SYNE2: variants seen among roughly 807,000 people sequenced by gnomAD.
SYNE2 encodes nesprin-2.
In SYNE2, 431 loss-of-function variants were observed where a neutral mutation model predicts 856.3. The observed-to-expected ratio is 0.50, with a 90% CI of 0.47 to 0.55. SYNE2 has a LOEUF of 0.55. SYNE2 is among the 20% of genes least tolerant of loss of function. The probability of loss-of-function intolerance (pLI) is 0.00; values close to 1 mark genes in which losing one functional copy is unlikely to be tolerated. For synonymous variants in SYNE2, 2,923 were observed against 2,872.3 expected (o/e 1.02, Z -0.56); for missense variants, 8,129 against 8,023.2 (o/e 1.01, Z -0.50).
chr14:64,199,901 T>G (rs1487254738), intron 99 of SYNE2, among the ~76,000 whole-genome samples: 2 of 152,174 alleles, frequency 1.3e-5, no homozygotes, highest in Non-Finnish European at 2.9e-5. Context: ...ATTTTATTCC[T>G]ACACCCCATT....
chr14:64,207,652 G>C (rs542854757), intron 100 of SYNE2, among the ~76,000 whole-genome samples: 219 of 151,880 alleles, frequency 1.4e-3, no homozygotes, highest in African/African-American at 5.1e-3. Flanking sequence ...AGCTTATATT[G>C]CCTTTCTGTA....
intron 64 of SYNE2, among the ~76,000 whole-genome samples, chr14:64,102,619 C>T (rs181005182): frequency 2.0e-5 from 3 of 149,930 alleles, no homozygotes; most frequent in African/African-American, 7.4e-5. Context: ...TTAACATATG[C>T]ATTACCTCAC....
chr14:64,104,079 C>T (rs1020821365), intron 64 of SYNE2, among the ~76,000 whole-genome samples: 2 of 152,180 alleles, frequency 1.3e-5, no homozygotes, highest in African/African-American at 4.8e-5. Context: ...ATTTCTGGAT[C>T]CTGCTTCCCA....
At chr14:64,205,586 G>T (rs1286757435) in intron 100 of SYNE2, among the ~76,000 whole-genome samples, 1 of 152,166 alleles carries the variant, frequency 6.6e-6, no homozygotes, top group Admixed American at 6.5e-5. Flanking sequence ...GAGCCATGAT[G>T]TCCCCGGATC....
chr14:63,767,492 AT>A (rs1159561419), intron 1 of SYNE2, among the ~76,000 whole-genome samples: 1 of 152,128 alleles, frequency 6.6e-6, no homozygotes, highest in Non-Finnish European at 1.5e-5. Context: ...AAATTAAGTT[AT>A]TTGACATTAA....
chr14:64,218,050 C>T (rs1481707313), intron 108 of SYNE2, among the ~76,000 whole-genome samples: 2 of 152,180 alleles, frequency 1.3e-5, no homozygotes, highest in South Asian at 4.1e-4. Context: ...AAAGTGCTAA[C>T]GCAGTAACCG....
At chr14:63,957,697 ATC>A (rs1029398419) in intron 8 of SYNE2, among the ~76,000 whole-genome samples, 3 of 152,004 alleles carry the variant, frequency 2.0e-5, no homozygotes, top group African/African-American at 7.2e-5. Flanking sequence ...GTGAAACCCT[ATC>A]TCTACTAAAA....
At chr14:63,798,735 C>A (rs1432987809) in intron 1 of SYNE2, among the ~76,000 whole-genome samples, 1 of 152,078 alleles carries the variant, frequency 6.6e-6, no homozygotes, top group Non-Finnish European at 1.5e-5. Context: ...TTTCTGGACT[C>A]TACCCTGGGG....
Position 64,137,927 on chromosome 14 carries a change from C to A in SYNE2, c.14787C>A (p.Asn4929Lys). 2 of 1,614,152 alleles carry A rather than the reference C, an allele frequency of 1.2e-6. No individual in the cohort carries two copies. The highest frequency in any genetic ancestry group is 1.7e-6 in the Non-Finnish European group (2 of 1,180,022). Residue 4929 changes from asparagine (N) to lysine (K), a missense_variant, in exon 79 of 116, where the codon AAC becomes AAA. Coordinates refer to ENST00000555002, the MANE Select transcript of SYNE2 (RefSeq NM_182914.3). ...AKLEEQWLSLNKKIDHELHRL... is the reference protein window; with the variant it reads ...AKLEEQWLSLKKKIDHELHRL... ...TGGAAGAGCAGTGGTTGTCCCTGAA[C>A]AAGAAAATTGACCATGAGCTCCACA...
At chr14:64,203,458 TTTG>T (rs969495694) in intron 100 of SYNE2, among the ~76,000 whole-genome samples, 1 of 152,200 alleles carries the variant, frequency 6.6e-6, no homozygotes, top group Non-Finnish European at 1.5e-5. Context: ...TCTGTGCATT[TTTG>T]TTATCAGATA....
intron 2 of SYNE2, among the ~76,000 whole-genome samples, chr14:63,930,101 A>T (rs181726593): frequency 6.6e-6 from 1 of 152,200 alleles, no homozygotes; most frequent in South Asian, 2.1e-4. Flanking sequence ...CCTGGATGAC[A>T]TAGGTAGAAC....
chr14:64,045,348 C>T (rs2097178218), intron 45 of SYNE2, among the ~76,000 whole-genome samples: 1 of 150,000 alleles, frequency 6.7e-6, no homozygotes, highest in Admixed American at 6.8e-5. Context: ...ACTAAGGGTT[C>T]TGCAATCTTA....
At chr14:64,150,321 A>AGG (rs1555512154) in intron 84 of SYNE2, among the ~76,000 whole-genome samples, 4 of 119,418 alleles carry the variant, frequency 3.3e-5, no homozygotes, top group African/African-American at 1.3e-4. Flanking sequence ...AAAAAAAAAA[A>AGG]GGATCCTCCC....
At chr14:63,970,808 A>G (rs1482384623) in intron 11 of SYNE2, among the ~76,000 whole-genome samples, 1 of 151,110 alleles carries the variant, frequency 6.6e-6, no homozygotes, top group Non-Finnish European at 1.5e-5. Flanking sequence ...ATCCGCCACC[A>G]TGCCTGGCTA....
intron 42 of SYNE2, among the ~76,000 whole-genome samples, chr14:64,027,006 T>C (rs1404494385): frequency 6.6e-6 from 1 of 152,218 alleles, no homozygotes; most frequent in Non-Finnish European, 1.5e-5. Context: ...ATCCAATGGA[T>C]GTAATTCTAG....
At chr14:64,117,806 C>T (rs2097863181) in intron 66 of SYNE2, among the ~76,000 whole-genome samples, 1 of 152,098 alleles carries the variant, frequency 6.6e-6, no homozygotes, top group Non-Finnish European at 1.5e-5. Context: ...TATACTCAAC[C>T]TCTACTAAGT....
rs2096767067 is a variant in SYNE2, at chr14:64,002,960, A to G, written c.4027A>G (p.Thr1343Ala). 2.5e-6 allele frequency: 4 copies of G among 1,614,240 alleles called. No homozygotes were observed. Among genetic ancestry groups the G allele is most frequent in the Non-Finnish European group, 3.4e-6 (4 of 1,180,044 alleles). ...RTAKLSAEPV[T>A]DLSASDTQVA... Reference sequence around the variant, plus strand: ...AGCTAAACTCTCTGCTGAGCCCGTTACAGACCTTTCAGCCTCAGATACACA... The same window carrying G: ...AGCTAAACTCTCTGCTGAGCCCGTTGCAGACCTTTCAGCCTCAGATACACA... The change falls in exon 30 of 116, where the codon ACA becomes GCA. Residue 1343 changes from threonine (T) to alanine (A), a missense_variant. By Grantham distance (58) the Thr-to-Ala change is moderately conservative. Transcript: ENST00000555002.
intron 1 of SYNE2, among the ~76,000 whole-genome samples, chr14:63,841,155 T>G (rs1052939193): frequency 1.3e-5 from 2 of 152,106 alleles, no homozygotes; most frequent in African/African-American, 4.8e-5. Context: ...GCTCAGTCCT[T>G]GAGAGCAGAT....
Position 64,001,994 on chromosome 14 carries a change from T to C in SYNE2, c.3699T>C (p.Leu1233=). 2 of 1,614,078 alleles carry C rather than the reference T, an allele frequency of 1.2e-6. No homozygotes were observed. Among genetic ancestry groups the C allele is most frequent in the Non-Finnish European group, 1.7e-6 (2 of 1,179,958 alleles). Residue 1233 remains leucine, a synonymous_variant, in exon 29 of 116, where the codon CTT becomes CTC. Transcript: ENST00000555002. Reference sequence around the variant, plus strand: ...TACCTGTAGAGAAGGCATCACTTCTTCTCTGTGGCTCGGACCTGCCTCTCC... The same window carrying C: ...TACCTGTAGAGAAGGCATCACTTCTCCTCTGTGGCTCGGACCTGCCTCTCC... ...LVLPVEKASL[L]LCGSDLPLHK... is the part of the protein sequence containing the mutation.
Sources: allele counts gnomAD v4.1 joint callset (sites outside exome capture counted in the v4.1 genomes callset), GRCh38; gene constraint gnomAD v4.1.1; transcripts MANE v1.5; gene names NCBI Gene and HGNC (gene_info 2026-07-23, HGNC 2026-07-21).